SLC35F4: variants seen among roughly 807,000 people sequenced by gnomAD.
SLC35F4 encodes chromosome 14 open reading frame 36.
SLC35F4 carries 24 observed loss-of-function variants against 44.2 expected under a neutral mutation model. That is an observed-to-expected ratio of 0.54 (90% confidence interval 0.39 to 0.76). SLC35F4 has a LOEUF of 0.76. SLC35F4 is among the 30% of genes least tolerant of loss of function. The pLI, the probability that SLC35F4 is intolerant of heterozygous loss-of-function variation, is 0.00. For synonymous variants in SLC35F4, 238 were observed against 223.6 expected (o/e 1.06, Z -0.57); for missense variants, 562 against 586.1 (o/e 0.96, Z 0.42).
chr14:57,566,445 G>A (rs1225549247), intron 7 of SLC35F4, 30 bp downstream of exon 7: 2 of 1,561,328 alleles, frequency 1.3e-6, no homozygotes, highest in Non-Finnish European at 1.7e-6. Context: ...GTAGTGGCCA[G>A]GATCTGCACA....
chr14:57,647,318 G>A (rs1362287429), intron 1 of SLC35F4, among the ~76,000 whole-genome samples: 1 of 152,106 alleles, frequency 6.6e-6, no homozygotes, highest in Non-Finnish European at 1.5e-5. Flanking sequence ...GTTATTGGGT[G>A]CATATACATT....
Position 57,713,497 on chromosome 14 carries a change from C to T in SLC35F4, c.104-119373G>A, listed in dbSNP as rs1594861117. Reference sequence around the variant, plus strand: ...CACTATGCTAGTTCACACCTTTACACCATCAAACATTTTATTCTCTCTACA... The same window carrying T: ...CACTATGCTAGTTCACACCTTTACATCATCAAACATTTTATTCTCTCTACA... On this transcript the variant is annotated intron_variant, in intron 1 of 7. Coordinates refer to ENST00000556826, the MANE Select transcript of SLC35F4 (RefSeq NM_001306087.2). Among the ~76,000 whole-genome samples the T allele has an allele frequency of 2.0e-5, 3 of 152,162 alleles. No individual in the cohort carries two copies. The East Asian group carries it at 5.8e-4, about 29-fold the overall frequency.
rs191818845 is a variant in SLC35F4 at position 57,905,733 on chromosome 14, T to C, written n.282+76180A>G. Among the ~76,000 whole-genome samples, 5 of 152,004 alleles carry C rather than the reference T, an allele frequency of 3.3e-5. No individual in the cohort carries two copies. In the East Asian group the frequency reaches 9.7e-4, roughly 29 times the overall value. On this transcript the variant is annotated intron_variant and non_coding_transcript_variant, in intron 1 of 1. Coordinates refer to the SLC35F4 transcript ENST00000556568. ...TGGAGTGAGTGGCCACTGAAAACAA[T>C]AGCAGTTAAAGAAAGATGCTTTTAC...
chr14:57,797,742 A>G (rs921954512), intron 1 of SLC35F4, among the ~76,000 whole-genome samples: 2 of 152,188 alleles, frequency 1.3e-5, no homozygotes, highest in Admixed American at 1.3e-4. Flanking sequence ...TCCAAACAAA[A>G]CATGAAACAC....
intron 1 of SLC35F4, among the ~76,000 whole-genome samples, chr14:57,937,010 A>T (rs1261185685): frequency 2.0e-5 from 3 of 152,312 alleles, no homozygotes; most frequent in African/African-American, 7.2e-5. Flanking sequence ...ACATTTAAAA[A>T]ATTGAGCTTT....
chr14:57,973,624 T>C (rs1000790291), downstream of SLC35F4, among the ~76,000 whole-genome samples: 3 of 151,590 alleles, frequency 2.0e-5, no homozygotes, highest in East Asian at 3.9e-4. Context: ...GGACATGGAG[T>C]TGGGAGGGAC....
At chr14:57,579,718 T>G (rs984622181) in intron 4 of SLC35F4, among the ~76,000 whole-genome samples, 1 of 152,162 alleles carries the variant, frequency 6.6e-6, no homozygotes, top group Non-Finnish European at 1.5e-5. Flanking sequence ...GAACCCCCAC[T>G]TCGTGCCCTG....
chr14:57,599,682 A>G (rs2139968380), intron 1 of SLC35F4, among the ~76,000 whole-genome samples: 1 of 152,140 alleles, frequency 6.6e-6, no homozygotes, highest in East Asian at 1.9e-4. Flanking sequence ...TCTCTACTAA[A>G]AATACAAAAA....
At chr14:57,688,476 A>T (rs2075131465) in intron 1 of SLC35F4, among the ~76,000 whole-genome samples, 1 of 152,190 alleles carries the variant, frequency 6.6e-6, no homozygotes, top group African/African-American at 2.4e-5. Flanking sequence ...TTTTGATGAG[A>T]TTATGGGTTC....
chr14:57,843,915 G>C (rs1296481111), intron 1 of SLC35F4, among the ~76,000 whole-genome samples: 1 of 151,936 alleles, frequency 6.6e-6, no homozygotes, highest in African/African-American at 2.4e-5. Context: ...TATATATAGA[G>C]AGAGTCATCT....
At chr14:57,921,862 A>C (rs937028605) in intron 1 of SLC35F4, among the ~76,000 whole-genome samples, 2 of 152,214 alleles carry the variant, frequency 1.3e-5, no homozygotes, top group Non-Finnish European at 2.9e-5. Context: ...TGGAGGTTAA[A>C]ATTTCAATGT....
At chr14:57,603,327 C>T (rs1181212557) in intron 1 of SLC35F4, among the ~76,000 whole-genome samples, 1 of 152,180 alleles carries the variant, frequency 6.6e-6, no homozygotes, top group African/African-American at 2.4e-5. Flanking sequence ...GTTATCAACT[C>T]CTTAAATATA....
chr14:57,907,364 G>A (rs1264258472), intron 1 of SLC35F4, among the ~76,000 whole-genome samples: 3 of 152,172 alleles, frequency 2.0e-5, no homozygotes, highest in East Asian at 1.9e-4. Flanking sequence ...TTGTTGTGGT[G>A]GTCTGGAATC....
upstream of SLC35F4, among the ~76,000 whole-genome samples, chr14:57,867,223 C>T (rs548823135): frequency 1.1e-4 from 17 of 152,242 alleles, no homozygotes; most frequent in East Asian, 9.6e-4. Context: ...GAACCTATCA[C>T]ACCATCCTGC....
chr14:57,786,091 G>A (rs752215538), intron 1 of SLC35F4, among the ~76,000 whole-genome samples: 3 of 152,100 alleles, frequency 2.0e-5, no homozygotes, highest in Non-Finnish European at 4.4e-5. Context: ...CACAGTGGGA[G>A]TGAGACTGGC....
chr14:57,874,411 T>G (rs1595260773), intron 1 of SLC35F4, among the ~76,000 whole-genome samples: 1 of 152,320 alleles, frequency 6.6e-6, no homozygotes, highest in Non-Finnish European at 1.5e-5. Context: ...AAGAAATCAT[T>G]GTAACAAACA....
At chr14:57,592,110 AG>A (rs1294401173) in intron 2 of SLC35F4, among the ~76,000 whole-genome samples, 16 of 152,342 alleles carry the variant, frequency 1.1e-4, no homozygotes, top group African/African-American at 3.6e-4. Context: ...AGTCCTGCTT[AG>A]ATTTTGTTAT....
At chr14:57,884,267 T>C (rs1888600210) in intron 1 of SLC35F4, among the ~76,000 whole-genome samples, 1 of 152,198 alleles carries the variant, frequency 6.6e-6, no homozygotes, top group Non-Finnish European at 1.5e-5. Context: ...TCAACAGATT[T>C]TGGCTTTTCG....
At chr14:57,796,267 T>C (rs948641393) in intron 1 of SLC35F4, among the ~76,000 whole-genome samples, 3 of 152,228 alleles carry the variant, frequency 2.0e-5, no homozygotes, top group Non-Finnish European at 2.9e-5. Flanking sequence ...TGTGTGCATA[T>C]GTCTTTATGA....
Sources: allele counts gnomAD v4.1 joint callset (sites outside exome capture counted in the v4.1 genomes callset), GRCh38; gene constraint gnomAD v4.1.1; transcripts MANE v1.5; gene names NCBI Gene and HGNC (gene_info 2026-07-23, HGNC 2026-07-21).